The following ADK variants were observed in gnomAD, a reference collection of about 807,000 sequenced individuals.
ADK encodes N6,N6-dimethyladenosine kinase.
A neutral mutation model predicts 44.7 loss-of-function variants in ADK; 24 were observed. The ratio of observed to expected loss-of-function variants is 0.54; its 90% CI spans 0.39 to 0.76. The LOEUF is 0.76. Among genes scored for constraint, ADK ranks in the 30% least tolerant of loss-of-function variants. The pLI, the probability that ADK is intolerant of heterozygous loss-of-function variation, is 0.00. For missense variants in ADK, 321 were observed against 425.1 expected, an observed-to-expected ratio of 0.76 and a Z score of 2.15; for synonymous variants, 128 against 142.6, an observed-to-expected ratio of 0.90 and a Z score of 0.73.
At chr10:74,335,309 C>T (rs1841368741) in intron 4 of ADK, among the ~76,000 whole-genome samples, 1 of 152,068 alleles carries the variant, frequency 6.6e-6, no homozygotes, top group Non-Finnish European at 1.5e-5. Context: ...AACGTGGCAG[C>T]CCAGCTTTCT....
chr10:74,351,625 A>G (rs998314915), intron 4 of ADK, among the ~76,000 whole-genome samples: 3 of 152,172 alleles, frequency 2.0e-5, no homozygotes, highest in African/African-American at 7.2e-5. Flanking sequence ...AGGAAGTCAG[A>G]TTGTCTCTGT....
chr10:74,253,295 T>C lies in ADK; in HGVS notation c.194+28704T>C, dbSNP rs1845715562. On this transcript the variant is annotated intron_variant, in intron 3 of 10. Transcript: ENST00000539909. ...TTATTAATACCCTTTTTTAATAACA[T>C]GCAGATTAAGGAGTGGTTTATGCAG... is the stretch of plus-strand genomic sequence containing the variant. Among the ~76,000 whole-genome samples, 4 of 152,348 alleles carry C rather than the reference T, an allele frequency of 2.6e-5. No individual in the cohort carries two copies. In the South Asian group the frequency reaches 8.3e-4, roughly 32 times the overall value.
chr10:74,694,003 G>C (rs1856079484), intron 10 of ADK, among the ~76,000 whole-genome samples: 1 of 151,946 alleles, frequency 6.6e-6, no homozygotes, highest in Non-Finnish European at 1.5e-5. Context: ...ATAATTTAAA[G>C]TTCCCATGTT....
chr10:74,643,657 A>G (rs1853953618), intron 9 of ADK, among the ~76,000 whole-genome samples: 1 of 152,016 alleles, frequency 6.6e-6, no homozygotes, highest in African/African-American at 2.4e-5. Context: ...GCCTCTTTGT[A>G]TTACTGTTTA....
chr10:74,691,465 A>G (rs1855985911), intron 10 of ADK, among the ~76,000 whole-genome samples: 1 of 152,190 alleles, frequency 6.6e-6, no homozygotes, highest in Non-Finnish European at 1.5e-5. Flanking sequence ...GATATTACTC[A>G]TGGATAAAGA....
intron 7 of ADK, among the ~76,000 whole-genome samples, chr10:74,574,693 C>G (rs1003254746): frequency 1.1e-4 from 16 of 152,194 alleles, no homozygotes; most frequent in African/African-American, 3.9e-4. Flanking sequence ...AGGATAACTT[C>G]CCACAGCAGG....
At chr10:74,541,806 TAA>T (rs1391255368) in intron 7 of ADK, among the ~76,000 whole-genome samples, 1 of 7,282 alleles carries the variant, frequency 1.4e-4, no homozygotes. Context: ...CCCCCCCCCC[TAA>T]AAAAAAACAA....
At chr10:74,678,404 G>A (rs1452468392) in intron 10 of ADK, among the ~76,000 whole-genome samples, 3 of 152,180 alleles carry the variant, frequency 2.0e-5, no homozygotes, top group Non-Finnish European at 4.4e-5. Context: ...TTTAAAAAAA[G>A]AGAGAGAGAA....
chr10:74,600,923 T>G (rs992665250), intron 9 of ADK, among the ~76,000 whole-genome samples: 2 of 151,936 alleles, frequency 1.3e-5, no homozygotes, highest in African/African-American at 4.8e-5. Flanking sequence ...TCACCATCTA[T>G]TTTATAGCAC....
chr10:74,522,657 CT>C (rs1400523957), intron 6 of ADK, among the ~76,000 whole-genome samples: 2 of 151,820 alleles, frequency 1.3e-5, no homozygotes, highest in Non-Finnish European at 2.9e-5. Flanking sequence ...TCTTTTTAAA[CT>C]TTTCAGAGTT....
intron 2 of ADK, among the ~76,000 whole-genome samples, chr10:74,209,266 C>G (rs1843719292): frequency 6.6e-6 from 1 of 152,116 alleles, no homozygotes; most frequent in South Asian, 2.1e-4. Flanking sequence ...CACAGTGTTC[C>G]TCCCCTCTGG....
chr10:74,676,117 G>GT (rs970826336), intron 10 of ADK, among the ~76,000 whole-genome samples: 6 of 151,162 alleles, frequency 4.0e-5, no homozygotes, highest in Non-Finnish European at 7.4e-5. Context: ...TACTTTGTTG[G>GT]TTTTTTTTGT....
At position 74,303,585 on chromosome 10, in the gene ADK, GTTGTTTTT is replaced by G. The variant is rs1178969148; in HGVS notation, c.195-11079_195-11072del. ...AAACACTTTTCATATTGGTTTTAAT[GTTGTTTTT>G]TTTTTTTTTTTTTTTTTTTTTGCTA... On this transcript the variant is annotated intron_variant, in intron 3 of 10. Coordinates refer to ENST00000539909, the MANE Select transcript of ADK (RefSeq NM_006721.4). Among the ~76,000 whole-genome samples, 84 of 64,644 alleles carry G rather than the reference GTTGTTTTT, an allele frequency of 1.3e-3. 6 individuals are homozygous for G. Among genetic ancestry groups the G allele is most frequent in the African/African-American group, 4.3e-3 (43 of 9,906 alleles). 42.4% of individuals were successfully genotyped at this position (64,644 alleles called of 152,430 possible).
intron 7 of ADK, among the ~76,000 whole-genome samples, chr10:74,550,126 A>G (rs1022001165): frequency 4.7e-5 from 7 of 147,806 alleles, no homozygotes; most frequent in Non-Finnish European, 1.0e-4. Flanking sequence ...GCTGCAGTGC[A>G]GTGGCGTGAT....
At chr10:74,265,260 G>A (rs953948574) in intron 3 of ADK, among the ~76,000 whole-genome samples, 2 of 150,750 alleles carry the variant, frequency 1.3e-5, no homozygotes, top group Non-Finnish European at 1.5e-5. Flanking sequence ...TCTGTCACCA[G>A]GCTGGAGTGC....
chr10:74,284,194 A>T (rs1847063658), intron 3 of ADK, among the ~76,000 whole-genome samples: 1 of 144,864 alleles, frequency 6.9e-6, no homozygotes. Flanking sequence ...TCCCGAACTC[A>T]GGTGATCCGC....
chr10:74,567,624 T>C, intron 7 of ADK, among the ~76,000 whole-genome samples: 1 of 152,136 alleles, frequency 6.6e-6, no homozygotes, highest in East Asian at 1.9e-4. Context: ...TTGTGCCCAT[T>C]TGTTGAGACT....
chr10:74,672,742 T>C (rs1310772129), intron 10 of ADK, among the ~76,000 whole-genome samples: 1 of 152,204 alleles, frequency 6.6e-6, no homozygotes, highest in Non-Finnish European at 1.5e-5. Context: ...TTTTATACAG[T>C]ACCTACTAAC....
rs982650699 is a variant in ADK, at chr10:74,607,058, C to CT, written c.877+6574dup. Among the ~76,000 whole-genome samples the CT allele has an allele frequency of 8.6e-5, 13 of 150,760 alleles. No individual in the cohort carries two copies. In the East Asian group the frequency reaches 1.2e-3, roughly 13 times the overall value. ...TCGGAGACTAGGATTACAACCCCTG[C>CT]TTTTTTTTTGCTTTCCACTTGCTTT... On this transcript the variant is annotated intron_variant, in intron 9 of 10. Coordinates refer to ENST00000539909, the MANE Select transcript of ADK (RefSeq NM_006721.4).
Sources: gnomAD v4.1 joint callset for allele counts (sites outside exome capture counted in the v4.1 genomes callset) on GRCh38, gnomAD v4.1.1 for gene constraint, MANE v1.5 for transcripts, NCBI Gene and HGNC (gene_info 2026-07-23, HGNC 2026-07-21) for gene names.